BRIP1: variants seen among roughly 807,000 people sequenced by gnomAD.
BRIP1 encodes BRCA1 interacting DNA helicase 1, also known as Fanconi anemia group J protein.
BRIP1 carries 88 observed loss-of-function variants against 119.7 expected under a neutral mutation model. That is an observed-to-expected ratio of 0.74 (90% CI 0.62 to 0.88). The LOEUF (loss-of-function observed/expected upper bound fraction) is 0.88, where lower values mean the gene tolerates loss of function less well. Among genes scored for constraint, BRIP1 ranks in the 40% least tolerant of loss-of-function variants. The pLI, the probability that BRIP1 is intolerant of heterozygous loss-of-function variation, is 0.00. For synonymous variants in BRIP1, 443 were observed against 496.5 expected (o/e 0.89, Z 1.43); for missense variants, 1,259 against 1,455.4 (o/e 0.87, Z 2.20).
Position 61,753,074 on chromosome 17 carries a change from T to C in BRIP1, c.2098-8483A>G, listed in dbSNP as rs1440785611. Among the ~76,000 whole-genome samples the C allele has an allele frequency of 1.3e-5, 2 of 152,070 alleles. No individual in the cohort carries two copies. Among genetic ancestry groups the C allele is most frequent in the African/African-American group, 2.4e-5 (1 of 41,392 alleles). ...CCAGTCATGTATTAATGGCTTATCA[T>C]GGGAGTGGGACTAGTGGCTTTATAC... On this transcript the variant is annotated intron_variant, in intron 14 of 19. Coordinates refer to ENST00000259008, the MANE Select transcript of BRIP1 (RefSeq NM_032043.3). The surrounding 1 kb of genome is among the most constrained non-coding windows in gnomAD (Gnocchi z 4.6).
rs950513949 is a variant in BRIP1 at position 61,803,954 on chromosome 17, A to G, written c.919-2480T>C. Among the ~76,000 whole-genome samples the G allele has an allele frequency of 1.2e-4, 18 of 152,168 alleles. 1 individual carries two copies. Among genetic ancestry groups the G allele is most frequent in the South Asian group, 1.0e-3 (5 of 4,832 alleles). On this transcript the variant is annotated intron_variant, in intron 7 of 19. Coordinates refer to ENST00000259008, the MANE Select transcript of BRIP1 (RefSeq NM_032043.3). This position sits in a 1 kb window ranked among gnomAD's most constrained non-coding sequence, Gnocchi z 4.3. ...AAACTTTAGCCCTTAAAAATGATTT[A>G]GATTTGTCTATGTGTTGATTAGGCT...
rs1278590767 is a variant in BRIP1 at position 61,734,642 on chromosome 17, C to T, written c.2379+8371G>A. Among the ~76,000 whole-genome samples, 1 of 152,192 alleles carries T rather than the reference C, an allele frequency of 6.6e-6. No individual in the cohort carries two copies. The highest frequency in any genetic ancestry group is 2.4e-5 in the African/African-American group (1 of 41,454). On this transcript the variant is annotated intron_variant, in intron 16 of 19. Coordinates refer to ENST00000259008, the MANE Select transcript of BRIP1 (RefSeq NM_032043.3). This position sits in a 1 kb window ranked among gnomAD's most constrained non-coding sequence, Gnocchi z 5.2. ...AATTTTCCTACCTCTACTTTCTAGTCCCTAAGGTGGGAAGAGGAAATCCTG... is the reference window on the plus strand; with the variant it reads ...AATTTTCCTACCTCTACTTTCTAGTTCCTAAGGTGGGAAGAGGAAATCCTG...
In BRIP1 at chr17:61,703,940, T is replaced by C. The variant is rs551950061; in HGVS notation, c.2493-10428A>G. On this transcript the variant is annotated intron_variant, in intron 17 of 19. Transcript: ENST00000259008. The surrounding 1 kb of genome is among the most constrained non-coding windows in gnomAD (Gnocchi z 5.0). Reference sequence around the variant, plus strand: ...GTCACAAATTCTTTGCCAAATCTGATGTTTAGAACAGTATTTCCTAGGTTT... The same window carrying C: ...GTCACAAATTCTTTGCCAAATCTGACGTTTAGAACAGTATTTCCTAGGTTT... Among the ~76,000 whole-genome samples, 1 of 152,350 alleles carries C rather than the reference T, an allele frequency of 6.6e-6. No individual in the cohort carries two copies. The highest frequency in any genetic ancestry group is 2.1e-4 in the South Asian group (1 of 4,834).
At chr17:61,811,713 A>T (rs946989713) in intron 6 of BRIP1, among the ~76,000 whole-genome samples, 1 of 151,672 alleles carries the variant, frequency 6.6e-6, no homozygotes, top group African/African-American at 2.4e-5. Flanking sequence ...GCACTCTGGG[A>T]GGCCGAGGCA....
chr17:61,784,863 T>A (rs891216739), intron 10 of BRIP1, among the ~76,000 whole-genome samples: 2 of 152,216 alleles, frequency 1.3e-5, no homozygotes, highest in African/African-American at 4.8e-5. Context: ...GCTGGAGCCA[T>A]GCTTCGTACA....
At position 61,857,882 on chromosome 17, in the gene BRIP1, G is replaced by A. The variant is rs1266518477; in HGVS notation, c.206-651C>T. 2.0e-5 allele frequency among the ~76,000 whole-genome samples: 3 copies of A among 151,732 alleles called. No homozygotes were observed. Among genetic ancestry groups the A allele is most frequent in the African/African-American group, 4.8e-5 (2 of 41,294 alleles). On this transcript the variant is annotated intron_variant, in intron 3 of 19. Coordinates refer to ENST00000259008, the MANE Select transcript of BRIP1 (RefSeq NM_032043.3). The surrounding 1 kb of genome is among the most constrained non-coding windows in gnomAD (Gnocchi z 5.1). ...AAATTCAAGAATGGATTGAAACAAG[G>A]ACATAAAGTATATCCTTAATTACTA... is the stretch of plus-strand genomic sequence containing the variant.
chr17:61,847,131 C>G lies in BRIP1; in HGVS notation c.597G>C (p.Leu199=), dbSNP rs2078746387. 1 of 1,613,566 alleles carries G rather than the reference C, an allele frequency of 6.2e-7. No homozygotes were observed. Among genetic ancestry groups the G allele is most frequent in the Non-Finnish European group, 8.5e-7 (1 of 1,179,796 alleles). ...GTGGCGAAAAGGAGTTTATCTTTTC[C>G]AGTGGAGAGTTGAGTTTTACAGTCT... ...SGKTVKLNSP[L]EKINSFSPQK... is the part of the protein sequence containing the mutation. Residue 199 remains leucine, a synonymous_variant, in exon 6 of 20, where the codon CTG becomes CTC. Transcript: ENST00000259008.
rs2078849093 is a variant in BRIP1, at chr17:61,853,351, T to C, written c.379+3707A>G. 1.3e-5 allele frequency among the ~76,000 whole-genome samples: 2 copies of C among 151,614 alleles called. No individual in the cohort carries two copies. The highest frequency in any genetic ancestry group is 4.8e-5 in the African/African-American group (2 of 41,332). ...AAGGGACAGTGACTGAAAAAGAAGA[T>C]GAGGAGGGCCTCTGGGGTGTTGGTA... On this transcript the variant is annotated intron_variant, in intron 4 of 19. Transcript: ENST00000259008. This position sits in a 1 kb window ranked among gnomAD's most constrained non-coding sequence, Gnocchi z 4.3.
At position 61,729,295 on chromosome 17, in the gene BRIP1, AAAAC is replaced by A. The variant is rs536488909; in HGVS notation, c.2380-13236_2380-13233del. 3.2e-4 allele frequency among the ~76,000 whole-genome samples: 48 copies of A among 152,208 alleles called. No individual in the cohort carries two copies. The highest frequency in any genetic ancestry group is 9.6e-4 in the East Asian group (5 of 5,182). Reference sequence around the variant, plus strand: ...CTCCGTCTCAAAAACAAAACAAAACAAAACAAACAAACAAACAAAAAAGAAAGGA... The same window carrying A: ...CTCCGTCTCAAAAACAAAACAAAACAAAACAAACAAACAAAAAAGAAAGGA... On this transcript the variant is annotated intron_variant, in intron 16 of 19. Coordinates refer to ENST00000259008, the MANE Select transcript of BRIP1 (RefSeq NM_032043.3). The surrounding 1 kb of genome is among the most constrained non-coding windows in gnomAD (Gnocchi z 5.6).
rs2078004589 is a variant in BRIP1 at position 61,802,047 on chromosome 17, A to G, written c.919-573T>C. On this transcript the variant is annotated intron_variant, in intron 7 of 19. Transcript: ENST00000259008. This position sits in a 1 kb window ranked among gnomAD's most constrained non-coding sequence, Gnocchi z 6.0. ...ACTACAAAATATTCAGGAGTACCAA[A>G]AAAAGCCTAAATTATCCATAATTCT... 1.3e-5 allele frequency among the ~76,000 whole-genome samples: 2 copies of G among 152,242 alleles called. No individual in the cohort carries two copies. The highest frequency in any genetic ancestry group is 2.9e-5 in the Non-Finnish European group (2 of 68,044).
rs1328937235 is a variant in BRIP1, at chr17:61,807,012, C to T, written c.918+1455G>A. Reference sequence around the variant, plus strand: ...CCAGCCAATGTATTTTTTACAAATACATAATTAATTTCCCCAATAACAAGT... The same window carrying T: ...CCAGCCAATGTATTTTTTACAAATATATAATTAATTTCCCCAATAACAAGT... On this transcript the variant is annotated intron_variant, in intron 7 of 19. Transcript: ENST00000259008. The surrounding 1 kb of genome is among the most constrained non-coding windows in gnomAD (Gnocchi z 4.5). Among the ~76,000 whole-genome samples the T allele has an allele frequency of 6.6e-6, 1 of 152,064 alleles. No homozygotes were observed. Among genetic ancestry groups the T allele is most frequent in the Non-Finnish European group, 1.5e-5 (1 of 68,012 alleles).
Position 61,782,264 on chromosome 17 carries a change from T to C in BRIP1, c.1629-1259A>G, listed in dbSNP as rs369423982. 6.3e-3 allele frequency among the ~76,000 whole-genome samples: 951 copies of C among 151,236 alleles called. 6 individuals carry two copies. The highest frequency in any genetic ancestry group is 0.022 in the African/African-American group (913 of 41,258). ...AGCCGGGCTTAGTGGCGGGCGCCTGTAGTCCCAGCTACTCGGGAGGCTGAG... is the reference window on the plus strand; with the variant it reads ...AGCCGGGCTTAGTGGCGGGCGCCTGCAGTCCCAGCTACTCGGGAGGCTGAG... On this transcript the variant is annotated intron_variant, in intron 11 of 19. Coordinates refer to ENST00000259008, the MANE Select transcript of BRIP1 (RefSeq NM_032043.3).
rs1567731917 is a variant in BRIP1 at position 61,686,100 on chromosome 17, AG to A, written c.2640del (p.Leu881TrpfsTer16). ...TGATGCTTTTTGGAAAATTCAGCCA[AG>A]GATTCCAGTGCACTTTCAAAGGTTG... Reference protein sequence around the residue: ...HHSTFESALESLAEFSKKHQK... With the variant: ...HHSTFESALEXLAEFSKKHQK... On this transcript the variant is annotated frameshift_variant, in exon 19 of 20. Coordinates refer to ENST00000259008, the MANE Select transcript of BRIP1 (RefSeq NM_032043.3). LOFTEE classifies it high-confidence loss of function. The surrounding 1 kb of genome is among the most constrained non-coding windows in gnomAD (Gnocchi z 5.4). The A allele has an allele frequency of 6.2e-7, 1 of 1,614,100 alleles. No individual in the cohort carries two copies. The highest frequency in any genetic ancestry group is 8.5e-7 in the Non-Finnish European group (1 of 1,179,952).
In BRIP1 at chr17:61,767,802, C is replaced by T. The variant is rs2077393748; in HGVS notation, c.2097+8599G>A. On this transcript the variant is annotated intron_variant, in intron 14 of 19. Coordinates refer to ENST00000259008, the MANE Select transcript of BRIP1 (RefSeq NM_032043.3). This position sits in a 1 kb window ranked among gnomAD's most constrained non-coding sequence, Gnocchi z 5.7. ...ACATTTTCACACATGCCAAGCTAAA[C>T]TCTGTGATTATGAAAATATTTTCTG... 1.3e-5 allele frequency among the ~76,000 whole-genome samples: 2 copies of T among 152,136 alleles called. No individual in the cohort carries two copies. Among genetic ancestry groups the T allele is most frequent in the Non-Finnish European group, 2.9e-5 (2 of 68,024 alleles).
rs796789148 is a variant in BRIP1 at position 61,680,482 on chromosome 17, T to TTCTTTC, written c.*2813_*2814insGAAAGA. ...TTTACCAATTCTAAAGGTAATTTCT[T>TTCTTTC]TTTTTTTTTTTTTTTGAGACGGAGT... On this transcript the variant is annotated 3_prime_UTR_variant, in exon 20 of 20. Coordinates refer to ENST00000259008, the MANE Select transcript of BRIP1 (RefSeq NM_032043.3). Among the ~76,000 whole-genome samples, 17 of 137,100 alleles carry TTCTTTC rather than the reference T, an allele frequency of 1.2e-4. No individual in the cohort carries two copies. The highest frequency in any genetic ancestry group is 3.6e-4 in the Admixed American group (5 of 13,710). The allele number at this position is 137,100 out of a possible 152,430, so 89.9% of individuals were successfully genotyped here.
In BRIP1 at chr17:61,680,898, A is replaced by G. The variant is rs946791305; in HGVS notation, c.*2398T>C. 6.6e-6 allele frequency among the ~76,000 whole-genome samples: 1 copy of G among 152,220 alleles called. No individual in the cohort carries two copies. Among genetic ancestry groups the G allele is most frequent in the Non-Finnish European group, 1.5e-5 (1 of 68,032 alleles). The stretch of plus-strand genomic sequence containing the variant: ...TGTGTCAGTCTGTTCTCATGCTGCT[A>G]ATAAAGTCATACCCAAGACTGGGTA... On this transcript the variant is annotated 3_prime_UTR_variant, in exon 20 of 20. Coordinates refer to ENST00000259008, the MANE Select transcript of BRIP1 (RefSeq NM_032043.3).
chr17:61,732,171 G>C (rs180683466), intron 16 of BRIP1, among the ~76,000 whole-genome samples: 3 of 151,722 alleles, frequency 2.0e-5, no homozygotes, highest in Admixed American at 2.0e-4. Context: ...AGTAGAGAGA[G>C]AGAGTTTCAT....
intron 9 of BRIP1, among the ~76,000 whole-genome samples, chr17:61,797,519 T>C (rs1433027623): frequency 6.6e-6 from 1 of 151,940 alleles, no homozygotes; most frequent in Non-Finnish European, 1.5e-5. Context: ...ACTGCTAAGA[T>C]CGATGAGGGA....
rs527934653 is a variant in BRIP1, at chr17:61,825,021, C to T, written c.628-16264G>A. ...GGAAGCCCGGCCGGGTGCAGTGGCT[C>T]ACGCCTGTAATCCCAACACTTTGGG... is the stretch of plus-strand genomic sequence containing the variant. On this transcript the variant is annotated intron_variant, in intron 6 of 19. Coordinates refer to ENST00000259008, the MANE Select transcript of BRIP1 (RefSeq NM_032043.3). The surrounding 1 kb of genome is among the most constrained non-coding windows in gnomAD (Gnocchi z 4.1). 6.6e-6 allele frequency among the ~76,000 whole-genome samples: 1 copy of T among 152,248 alleles called. No homozygotes were observed. The highest frequency in any genetic ancestry group is 1.9e-4 in the East Asian group (1 of 5,176).
Sources: gnomAD v4.1 joint callset for allele counts (sites outside exome capture counted in the v4.1 genomes callset) on GRCh38, gnomAD v4.1.1 for gene constraint, Gnocchi (gnomAD v3.1) non-coding constraint, MANE v1.5 for transcripts, NCBI Gene and HGNC (gene_info 2026-07-23, HGNC 2026-07-21) for gene names.